The following TMEM135 variants were observed in gnomAD, a reference collection of about 807,000 sequenced individuals.
The protein encoded by TMEM135 is transmembrane protein 135.
Under a neutral mutation model 60.3 loss-of-function variants are expected in TMEM135, and 30 were observed. That is an observed-to-expected ratio of 0.50 (90% CI 0.37 to 0.68). The LOEUF (loss-of-function observed/expected upper bound fraction) is 0.68. Among genes scored for constraint, TMEM135 ranks in the 30% least tolerant of loss-of-function variants. TMEM135 has a pLI of 0.00. For synonymous variants in TMEM135, 190 were observed against 186.7 expected (o/e 1.02, Z -0.14); for missense variants, 468 against 548.8 (o/e 0.85, Z 1.47).
rs780513979 is a variant in TMEM135 at position 87,132,220 on chromosome 11, A to G, written c.397-25121A>G. On this transcript the variant is annotated intron_variant, in intron 4 of 14. Coordinates refer to ENST00000305494, the MANE Select transcript of TMEM135 (RefSeq NM_022918.4). ...CCCCGCCACCACCCACTGCTGGTTCATGGAAAAATTATCTTCCATGAAACC... is the reference window on the plus strand; with the variant it reads ...CCCCGCCACCACCCACTGCTGGTTCGTGGAAAAATTATCTTCCATGAAACC... 4.3e-4 allele frequency among the ~76,000 whole-genome samples: 65 copies of G among 152,304 alleles called. No homozygotes were observed. The Middle Eastern group carries it at 0.014, about 32-fold the overall frequency.
chr11:87,118,802 T>C (rs1857962576), intron 4 of TMEM135, among the ~76,000 whole-genome samples: 1 of 152,196 alleles, frequency 6.6e-6, no homozygotes, highest in Non-Finnish European at 1.5e-5. Context: ...GTTATGGAGA[T>C]AGCTTCTTCC....
chr11:87,070,106 C>T (rs954609580), intron 2 of TMEM135, among the ~76,000 whole-genome samples: 3 of 151,978 alleles, frequency 2.0e-5, no homozygotes, highest in Admixed American at 6.6e-5. Context: ...CCAGGAATTT[C>T]GGGCTACAGT....
intron 8 of TMEM135, 65 bp downstream of exon 8, chr11:87,302,507 C>T (rs1942467292): frequency 3.1e-6 from 5 of 1,597,680 alleles, no homozygotes; most frequent in Non-Finnish European, 4.3e-6. Flanking sequence ...TTGTACCATG[C>T]CAAGGTTATT....
chr11:87,271,946 C>T (rs1013025609), intron 6 of TMEM135, among the ~76,000 whole-genome samples: 4 of 150,756 alleles, frequency 2.7e-5, no homozygotes, highest in African/African-American at 9.7e-5. Context: ...TCTCAAAGAA[C>T]AATTAAATTA....
At chr11:87,283,812 C>T (rs4944695) in intron 6 of TMEM135, among the ~76,000 whole-genome samples, 55,705 of 152,028 alleles carry the variant, frequency 0.37, 10,868 homozygotes, top group Non-Finnish European at 0.43. Context: ...GAGCCGAGAT[C>T]GCGTCATTGC....
At chr11:87,067,107 C>CT (rs573492309) in intron 1 of TMEM135, among the ~76,000 whole-genome samples, 48 of 137,146 alleles carry the variant, frequency 3.5e-4, no homozygotes, top group Non-Finnish European at 4.6e-4. Flanking sequence ...TTTTTCAGGT[C>CT]TTTTTTTTTT....
At chr11:87,220,691 G>T (rs1015082908) in intron 5 of TMEM135, among the ~76,000 whole-genome samples, 12 of 152,074 alleles carry the variant, frequency 7.9e-5, no homozygotes, top group African/African-American at 2.9e-4. Flanking sequence ...ATTTTATTTC[G>T]AGAAGACTCT....
intron 6 of TMEM135, among the ~76,000 whole-genome samples, chr11:87,293,398 AAAC>A (rs1554985637): frequency 1.8e-4 from 16 of 89,484 alleles, no homozygotes; most frequent in Middle Eastern, 5.6e-3. Context: ...CTTCTTAAAA[AAAC>A]AACAAAAAAC....
At chr11:87,200,863 T>C (rs1426594093) in intron 5 of TMEM135, among the ~76,000 whole-genome samples, 2 of 152,158 alleles carry the variant, frequency 1.3e-5, no homozygotes, top group East Asian at 1.9e-4. Context: ...TAGATGTAAA[T>C]GTATGGTATG....
At chr11:87,178,665 A>C in intron 5 of TMEM135, 3 of 364,566 alleles carry the variant, frequency 8.2e-6, no homozygotes, top group Non-Finnish European at 1.6e-5. Flanking sequence ...ACCTCAAGTG[A>C]TCTGCCTGTC....
At chr11:87,260,188 A>C (rs1941621113) in intron 6 of TMEM135, among the ~76,000 whole-genome samples, 1 of 152,216 alleles carries the variant, frequency 6.6e-6, no homozygotes, top group African/African-American at 2.4e-5. Flanking sequence ...ATCAGGTTAG[A>C]TTTCTTTTAT....
chr11:87,202,673 C>T (rs990837361), intron 5 of TMEM135, among the ~76,000 whole-genome samples: 1 of 149,944 alleles, frequency 6.7e-6, no homozygotes, highest in Non-Finnish European at 1.5e-5. Context: ...ATGTAAATAA[C>T]GATTGACATT....
rs79853787 is a variant in TMEM135 at position 87,280,655 on chromosome 11, T to A, written c.510-15127T>A. Among the ~76,000 whole-genome samples, 56 of 152,306 alleles carry A rather than the reference T, an allele frequency of 3.7e-4. 1 individual carries two copies. In the East Asian group the frequency reaches 9.8e-3, roughly 27 times the overall value. On this transcript the variant is annotated intron_variant, in intron 6 of 14. Coordinates refer to ENST00000305494, the MANE Select transcript of TMEM135 (RefSeq NM_022918.4). ...AAGCACTGTGTACTTTATATTAAAG[T>A]ACTTTCTATAATGTAATATCATTAT...
intron 6 of TMEM135, among the ~76,000 whole-genome samples, chr11:87,243,202 A>G (rs1252816028): frequency 1.2e-5 from 1 of 82,658 alleles, no homozygotes; most frequent in Admixed American, 1.0e-4. Flanking sequence ...GTTCTGTTCC[A>G]TCGATCTATA....
intron 1 of TMEM135, among the ~76,000 whole-genome samples, chr11:87,041,340 G>A (rs868377734): frequency 6.6e-6 from 1 of 150,806 alleles, no homozygotes; most frequent in Admixed American, 6.6e-5. Context: ...CCACTGTTCT[G>A]TGTGCATGCT....
chr11:87,088,563 A>G (rs1248642398), intron 3 of TMEM135, among the ~76,000 whole-genome samples: 1 of 152,214 alleles, frequency 6.6e-6, no homozygotes, highest in African/African-American at 2.4e-5. Flanking sequence ...AGGATCAGCA[A>G]TGTTTTAAGC....
intron 3 of TMEM135, among the ~76,000 whole-genome samples, chr11:87,086,510 C>T (rs960880495): frequency 4.6e-5 from 7 of 152,046 alleles, no homozygotes; most frequent in African/African-American, 1.7e-4. Flanking sequence ...TGGAACAGCT[C>T]AGTGGAGAGG....
At chr11:87,229,985 G>T (rs150178671) in intron 5 of TMEM135, among the ~76,000 whole-genome samples, 1 of 151,884 alleles carries the variant, frequency 6.6e-6, no homozygotes, top group African/African-American at 2.4e-5. Flanking sequence ...TATCAGTTTC[G>T]TGGGTTTTTC....
chr11:87,136,047 A>G (rs551122497), intron 4 of TMEM135, among the ~76,000 whole-genome samples: 116 of 152,016 alleles, frequency 7.6e-4, no homozygotes, highest in Non-Finnish European at 1.3e-3. Context: ...ATTCATTGCT[A>G]TTTATTTTGT....
Sources: allele counts gnomAD v4.1 joint callset (sites outside exome capture counted in the v4.1 genomes callset), GRCh38; gene constraint gnomAD v4.1.1; transcripts MANE v1.5; gene names NCBI Gene and HGNC (gene_info 2026-07-23, HGNC 2026-07-21).